The following LINGO2 variants were observed in gnomAD, a reference collection of about 807,000 sequenced individuals.
LINGO2 encodes leucine rich repeat and Ig domain containing 2.
LINGO2 carries 14 observed loss-of-function variants against 30.6 expected under a neutral mutation model. The ratio of observed to expected loss-of-function variants is 0.46; its 90% CI spans 0.30 to 0.72. The LOEUF (loss-of-function observed/expected upper bound fraction) is 0.72, where lower values mean the gene tolerates loss of function less well. Ranked by LOEUF, LINGO2 falls within the 30% of genes least tolerant of loss-of-function variation. The pLI is 0.07. For synonymous variants in LINGO2, 317 were observed against 288.5 expected (o/e 1.10, Z -1.00); for missense variants, 729 against 751.7 (o/e 0.97, Z 0.35).
intron 1 of LINGO2, among the ~76,000 whole-genome samples, chr9:28,483,288 T>C (rs1443455320): frequency 1.3e-5 from 2 of 152,102 alleles, no homozygotes; most frequent in African/African-American, 4.8e-5. Flanking sequence ...AGTGTTTATT[T>C]TGTGTACTGC....
chr9:28,841,184 T>C, the LINGO2 span, among the ~76,000 whole-genome samples: 1 of 151,836 alleles, frequency 6.6e-6, no homozygotes, highest in Non-Finnish European at 1.5e-5. Context: ...AAAATGCATG[T>C]CATCAAAAGG....
At chr9:28,180,598 C>A (rs1460877688) in intron 4 of LINGO2, among the ~76,000 whole-genome samples, 1 of 152,130 alleles carries the variant, frequency 6.6e-6, no homozygotes, top group Non-Finnish European at 1.5e-5. Flanking sequence ...TATCCTCACT[C>A]AGGGATGAAT....
At chr9:28,249,882 G>A (rs1179926001) in intron 4 of LINGO2, among the ~76,000 whole-genome samples, 1 of 152,122 alleles carries the variant, frequency 6.6e-6, no homozygotes, top group Non-Finnish European at 1.5e-5. Context: ...ATTTTAATCA[G>A]AGAAAGGGGA....
At chr9:29,141,102 G>C in the LINGO2 span, among the ~76,000 whole-genome samples, 1 of 151,996 alleles carries the variant, frequency 6.6e-6, no homozygotes, top group East Asian at 1.9e-4. Flanking sequence ...TTGAAGCATA[G>C]ATTGCTAGCA....
intron 4 of LINGO2, among the ~76,000 whole-genome samples, chr9:28,192,272 T>A (rs1157292929): frequency 6.6e-6 from 1 of 152,112 alleles, no homozygotes; most frequent in African/African-American, 2.4e-5. Context: ...ATACATTTTA[T>A]ATACATATGT....
At chr9:28,865,981 T>C in the LINGO2 span, among the ~76,000 whole-genome samples, 1 of 152,124 alleles carries the variant, frequency 6.6e-6, no homozygotes. Context: ...ACAAATATGC[T>C]CTCCATATGT....
intron 1 of LINGO2, among the ~76,000 whole-genome samples, chr9:28,518,002 CT>C (rs1820691238): frequency 6.6e-6 from 1 of 152,122 alleles, no homozygotes; most frequent in Non-Finnish European, 1.5e-5. Flanking sequence ...ATTCCAAGAT[CT>C]TATTTCTGTG....
the LINGO2 span, among the ~76,000 whole-genome samples, chr9:28,867,679 CTGCCTTCAACACG>C: frequency 6.6e-6 from 1 of 152,118 alleles, no homozygotes; most frequent in Non-Finnish European, 1.5e-5. Flanking sequence ...CACATAATCC[CTGCCTTCAACACG>C]TGGCAGTTGA....
the LINGO2 span, among the ~76,000 whole-genome samples, chr9:28,702,948 T>G: frequency 6.6e-6 from 1 of 151,882 alleles, no homozygotes; most frequent in South Asian, 2.1e-4. Context: ...TTTATCAACC[T>G]TTTGATGTCT....
the LINGO2 span, among the ~76,000 whole-genome samples, chr9:28,749,903 C>A: frequency 3.3e-5 from 5 of 152,106 alleles, 1 homozygote; most frequent in African/African-American, 1.2e-4. Context: ...GTCATAATTG[C>A]TAAAAGGGCT....
At chr9:28,957,011 A>G in the LINGO2 span, among the ~76,000 whole-genome samples, 2 of 151,956 alleles carry the variant, frequency 1.3e-5, no homozygotes, top group African/African-American at 4.8e-5. Context: ...GGATTCTATG[A>G]TTCTAAGCAG....
the LINGO2 span, among the ~76,000 whole-genome samples, chr9:29,009,817 G>A: frequency 6.6e-6 from 1 of 152,078 alleles, no homozygotes; most frequent in African/African-American, 2.4e-5. Context: ...GCATGGTACT[G>A]GTACCAAAAC....
At position 28,037,723 on chromosome 9, in the gene LINGO2, G is replaced by A. The variant is rs114237925; in HGVS notation, c.-86-25318C>T. ...CTCAATGAACTACCAATAAATTAGC[G>A]AATGAATGAATTAGAACCCAGGAAC... On this transcript the variant is annotated intron_variant, in intron 4 of 5. Transcript: ENST00000379992. 2.0e-3 allele frequency among the ~76,000 whole-genome samples: 306 copies of A among 152,342 alleles called. 1 individual carries two copies. Among genetic ancestry groups the A allele is most frequent in the African/African-American group, 6.5e-3 (272 of 41,588 alleles).
intron 4 of LINGO2, among the ~76,000 whole-genome samples, chr9:28,152,119 C>T (rs906465782): frequency 6.6e-6 from 1 of 152,132 alleles, no homozygotes; most frequent in South Asian, 2.1e-4. Flanking sequence ...ACCTTCAAAT[C>T]CCATGTTGAA....
the LINGO2 span, among the ~76,000 whole-genome samples, chr9:28,909,035 C>T: frequency 6.6e-6 from 1 of 151,838 alleles, no homozygotes; most frequent in Non-Finnish European, 1.5e-5. Context: ...AAGAAACAAA[C>T]AAATAAGTTG....
At chr9:28,309,348 C>T (rs1001713474) in intron 3 of LINGO2, among the ~76,000 whole-genome samples, 7 of 151,322 alleles carry the variant, frequency 4.6e-5, no homozygotes, top group South Asian at 2.1e-4. Flanking sequence ...AACCAAACAC[C>T]GCATATTCTC....
chr9:29,208,125 T>A, the LINGO2 span, among the ~76,000 whole-genome samples: 1 of 152,006 alleles, frequency 6.6e-6, no homozygotes, highest in Admixed American at 6.6e-5. Context: ...AACAAAATAT[T>A]CCACAAGCTA....
intron 4 of LINGO2, among the ~76,000 whole-genome samples, chr9:28,197,740 C>A (rs1820066106): frequency 6.6e-6 from 1 of 151,456 alleles, no homozygotes; most frequent in Non-Finnish European, 1.5e-5. Context: ...ATTTGCATAG[C>A]ATAAAAATGA....
chr9:27,988,039 T>TCC, intron 5 of LINGO2, among the ~76,000 whole-genome samples: 1 of 152,010 alleles, frequency 6.6e-6, no homozygotes. Context: ...TGTGTGATGT[T>TCC]CCCCTTCCTG....
Sources: allele counts gnomAD v4.1 joint callset (sites outside exome capture counted in the v4.1 genomes callset), GRCh38; gene constraint gnomAD v4.1.1; transcripts MANE v1.5; gene names NCBI Gene and HGNC (gene_info 2026-07-23, HGNC 2026-07-21).